CSMD2: variants seen among roughly 807,000 people sequenced by gnomAD.
The protein encoded by CSMD2 is CUB and Sushi multiple domains 2, also known as CUB and sushi domain-containing protein 2.
A neutral mutation model predicts 398.5 loss-of-function variants in CSMD2; 130 were observed. The observed-to-expected ratio is 0.33, with a 90% CI of 0.28 to 0.38. CSMD2 has a LOEUF of 0.38. Among genes scored for constraint, CSMD2 ranks in the 10% least tolerant of loss-of-function variants. The pLI is 1.00. For synonymous variants in CSMD2, 1,828 were observed against 1,908.5 expected (o/e 0.96, Z 1.10); for missense variants, 3,829 against 4,764.9 (o/e 0.80, Z 5.78).
chr1:33,981,642 C>T (rs991931575), intron 3 of CSMD2, among the ~76,000 whole-genome samples: 37 of 152,232 alleles, frequency 2.4e-4, no homozygotes, highest in African/African-American at 8.9e-4. Context: ...AGATATGTTG[C>T]CACTCTCCTG....
intron 6 of CSMD2, among the ~76,000 whole-genome samples, chr1:33,844,416 A>G (rs570333796): frequency 6.6e-6 from 1 of 152,368 alleles, no homozygotes; most frequent in Admixed American, 6.5e-5. Flanking sequence ...CCTCACAACA[A>G]AGAATTATCC....
Position 33,921,665 on chromosome 1 carries a change from CAG to C in CSMD2, c.713-3366_713-3365del, listed in dbSNP as rs560344289. ...GTTCCAGGCAGAGCAAACAGGCCCTCAGAGGCAAGAAGGCCTGGAAGGGCATG... is the reference window on the plus strand; with the variant it reads ...GTTCCAGGCAGAGCAAACAGGCCCTCAGGCAAGAAGGCCTGGAAGGGCATG... On this transcript the variant is annotated intron_variant, in intron 4 of 70. Transcript: ENST00000373381. Among the ~76,000 whole-genome samples the C allele has an allele frequency of 2.8e-3, 427 of 152,336 alleles. 2 individuals are homozygous for C. The highest frequency in any genetic ancestry group is 4.7e-3 in the Non-Finnish European group (320 of 68,040).
intron 3 of CSMD2, among the ~76,000 whole-genome samples, chr1:33,999,651 C>G (rs1173202359): frequency 1.3e-5 from 2 of 152,024 alleles, no homozygotes; most frequent in Non-Finnish European, 2.9e-5. Flanking sequence ...CACAGTCATT[C>G]AAAGTGCTAG....
chr1:34,048,901 G>C (rs928645778), intron 2 of CSMD2, among the ~76,000 whole-genome samples: 1 of 152,152 alleles, frequency 6.6e-6, no homozygotes, highest in African/African-American at 2.4e-5. Context: ...CACTTGGAAG[G>C]GAGGGTCAGG....
chr1:33,735,551 T>C (rs77871156), intron 15 of CSMD2, among the ~76,000 whole-genome samples: 4,968 of 152,266 alleles, frequency 0.033, 147 homozygotes, highest in Non-Finnish European at 0.05. Context: ...ACTTCCGTAT[T>C]GTCTAAGGCT....
chr1:33,572,788 G>A, intron 49 of CSMD2, 97 bp from the exon 50 acceptor site: 5 of 920,692 alleles, frequency 5.4e-6, no homozygotes, highest in Non-Finnish European at 7.6e-6. Context: ...CCTTTTATTA[G>A]TAAAAACTAA....
chr1:34,047,042 T>C (rs372586052), intron 2 of CSMD2, among the ~76,000 whole-genome samples: 30 of 152,078 alleles, frequency 2.0e-4, no homozygotes, highest in East Asian at 7.7e-4. Flanking sequence ...TTAAGTCAGA[T>C]CATGTCACTT....
rs74224656 is a variant in CSMD2 at position 33,889,667 on chromosome 1, T to C, written c.920+28427A>G. On this transcript the variant is annotated intron_variant, in intron 5 of 70. Coordinates refer to ENST00000373381, the MANE Select transcript of CSMD2 (RefSeq NM_001281956.2). The stretch of plus-strand genomic sequence containing the variant: ...AAAATGAGGCTGACATATATATATA[T>C]ACTGACATTGAAACATATTTAACGT... Among the ~76,000 whole-genome samples, 483 of 150,548 alleles carry C rather than the reference T, an allele frequency of 3.2e-3. 5 individuals are homozygous for C. In the East Asian group the frequency reaches 0.058, roughly 18 times the overall value.
chr1:33,852,430 G>A (rs201477345), intron 5 of CSMD2, among the ~76,000 whole-genome samples: 1 of 152,186 alleles, frequency 6.6e-6, no homozygotes. Context: ...AGAATGGCTT[G>A]TACATCCTGG....
intron 3 of CSMD2, among the ~76,000 whole-genome samples, chr1:33,961,166 C>G (rs1445070959): frequency 6.6e-6 from 1 of 152,262 alleles, no homozygotes; most frequent in African/African-American, 2.4e-5. Flanking sequence ...GCCTCCCTGC[C>G]TGGTCTCACC....
In CSMD2 at chr1:33,636,655, C is replaced by A; in HGVS notation, c.4775-101G>T. 1 of 911,884 alleles carries A rather than the reference C, an allele frequency of 1.1e-6. No individual in the cohort carries two copies. The allele number at this position is 911,884 out of a possible 1,614,324, so 56.5% of individuals were successfully genotyped here. A position where few individuals can be genotyped will look rare whatever the true frequency, so the allele number is the denominator to read the frequency against. ...ATGAGGAGAACCCGACTTTAATTAG[C>A]CACAGAGCACACGGGGATGCGTGAC... is the stretch of plus-strand genomic sequence containing the variant. On this transcript the variant is annotated intron_variant, in intron 29 of 70. Coordinates refer to ENST00000373381, the MANE Select transcript of CSMD2 (RefSeq NM_001281956.2). This position sits in a 1 kb window ranked among gnomAD's most constrained non-coding sequence, Gnocchi z 4.8.
At chr1:33,656,621 G>A (rs1643954590) in intron 27 of CSMD2, among the ~76,000 whole-genome samples, 1 of 152,230 alleles carries the variant, frequency 6.6e-6, no homozygotes, top group South Asian at 2.1e-4. Flanking sequence ...TGCAGGAGCT[G>A]TCTCAGGAAG....
chr1:33,830,684 A>C (rs1437823252), intron 6 of CSMD2, among the ~76,000 whole-genome samples: 1 of 152,274 alleles, frequency 6.6e-6, no homozygotes, highest in African/African-American at 2.4e-5. Flanking sequence ...GAATTGAGAG[A>C]AGAAGCCTTC....
chr1:33,543,002 G>T, intron 57 of CSMD2, 106 bp from the exon 58 acceptor site: 1 of 822,358 alleles, frequency 1.2e-6, no homozygotes, highest in Non-Finnish European at 1.9e-6. Context: ...GGGACCTCGT[G>T]GATAGAAATG....
In CSMD2 at chr1:33,524,985, C is replaced by T; in HGVS notation, c.10293G>A (p.Gly3431=). Residue 3431 remains glycine (G), a synonymous_variant, in exon 66 of 71, where the codon GGG becomes GGA. Transcript: ENST00000373381. The part of the protein sequence containing the change: ...SLWKGAYEYQ[G]KKQPAMLRVT... ...CTCTGAGCATGGCTGGCTGCTTCTT[C>T]CCCTGGTATTCATAGGCCCCTTTCC... The T allele has an allele frequency of 6.2e-7, 1 of 1,614,216 alleles. No homozygotes were observed. Among genetic ancestry groups the T allele is most frequent in the Non-Finnish European group, 8.5e-7 (1 of 1,180,028 alleles).
rs115975539 is a variant in CSMD2 at position 33,667,388 on chromosome 1, G to A, written c.4053-4296C>T. ...GCAAGCATCTTTATTTTGTAGCTAG[G>A]ACTAGTCTCATCTTTAACAATGAGA... On this transcript the variant is annotated intron_variant, in intron 25 of 70. Coordinates refer to ENST00000373381, the MANE Select transcript of CSMD2 (RefSeq NM_001281956.2). 7.6e-3 allele frequency among the ~76,000 whole-genome samples: 1,158 copies of A among 152,304 alleles called. 6 individuals are homozygous for A. The highest frequency in any genetic ancestry group is 0.013 in the Admixed American group (201 of 15,304).
In CSMD2 at chr1:33,666,370, T is replaced by C. The variant is rs77232437; in HGVS notation, c.4053-3278A>G. ...CCAGGAACATTGTAGATAACTTAGT[T>C]TATGTACTTTGCAAAGTTTTATGTT... On this transcript the variant is annotated intron_variant, in intron 25 of 70. Transcript: ENST00000373381. Among the ~76,000 whole-genome samples the C allele has an allele frequency of 6.0e-3, 916 of 152,294 alleles. 10 individuals carry two copies. The highest frequency in any genetic ancestry group is 0.021 in the African/African-American group (884 of 41,566).
chr1:33,941,371 C>G (rs1220804037), intron 3 of CSMD2, among the ~76,000 whole-genome samples: 1 of 152,196 alleles, frequency 6.6e-6, no homozygotes, highest in Non-Finnish European at 1.5e-5. Context: ...CAAGCACCCT[C>G]CATATGTTTT....
At chr1:34,012,414 C>T (rs10914840) in intron 3 of CSMD2, among the ~76,000 whole-genome samples, 70,016 of 151,898 alleles carry the variant, frequency 0.46, 16,459 homozygotes, top group East Asian at 0.58. Context: ...TCAACATGTA[C>T]ATACTACACA....
Sources: allele counts gnomAD v4.1 joint callset (sites outside exome capture counted in the v4.1 genomes callset), GRCh38; gene constraint gnomAD v4.1.1; non-coding constraint Gnocchi (gnomAD v3.1); transcripts MANE v1.5; gene names NCBI Gene and HGNC (gene_info 2026-07-23, HGNC 2026-07-21).